Variants in DEFB110 observed in about 807,000 individuals in gnomAD.
The protein encoded by DEFB110 is defensin beta 110.
In DEFB110, 4 loss-of-function variants were observed where a neutral mutation model predicts 2.5. The ratio of observed to expected loss-of-function variants is 1.60; its 90% CI spans 0.79 to 3.66. The LOEUF (loss-of-function observed/expected upper bound fraction) is 3.66. Ranked by LOEUF, DEFB110 falls within the 30% of genes most tolerant of loss-of-function variation. DEFB110 has a pLI of 0.01. For missense variants in DEFB110, 94 were observed against 75.4 expected (o/e 1.25, Z -0.91); for synonymous variants, 29 against 21.8 (o/e 1.33, Z -0.92).
downstream of DEFB110, chr6:50,018,814 C>A (rs1774362218): frequency 7.7e-7 from 1 of 1,302,962 alleles, no homozygotes; most frequent in East Asian, 3.0e-5. Context: ...GGAAAGGCAC[C>A]AGACATGAGC....
downstream of DEFB110, chr6:50,018,808 A>G (rs1400720132): frequency 1.6e-6 from 2 of 1,290,018 alleles, no homozygotes; most frequent in African/African-American, 3.1e-5. Flanking sequence ...TGTAATGGAA[A>G]GGCACCAGAC....
chr6:50,019,783 C>G (rs1043983038), intron 1 of DEFB110, among the ~76,000 whole-genome samples: 1 of 151,496 alleles, frequency 6.6e-6, no homozygotes, highest in East Asian at 1.9e-4. Flanking sequence ...TAATAACTTA[C>G]AAACAATTTC....
At chr6:50,015,057 C>A (rs1774294203), downstream of DEFB110, among the ~76,000 whole-genome samples, 1 of 151,772 alleles carries the variant, frequency 6.6e-6, no homozygotes, top group East Asian at 1.9e-4. Flanking sequence ...ATATCCTTCC[C>A]ATTTTAGTCA....
chr6:50,018,577 C>T (rs1407995117), downstream of DEFB110, among the ~76,000 whole-genome samples: 1 of 151,948 alleles, frequency 6.6e-6, no homozygotes, highest in Admixed American at 6.6e-5. Flanking sequence ...ATCTGTGGAA[C>T]AGTATCTAAT....
chr6:50,011,535 C>T (rs1230453553), intron 1 of DEFB110, among the ~76,000 whole-genome samples: 2 of 152,052 alleles, frequency 1.3e-5, no homozygotes, highest in African/African-American at 4.8e-5. Context: ...TGGACATCAA[C>T]ACAATCCTGC....
In DEFB110 at chr6:50,021,994, T is replaced by A. The variant is rs938735504; in HGVS notation, c.-59A>T. 3 of 1,406,932 alleles carry A rather than the reference T, an allele frequency of 2.1e-6. No individual in the cohort carries two copies. The highest frequency in any genetic ancestry group is 3.0e-5 in the African/African-American group (2 of 67,064). The allele number at this position is 1,406,932 out of a possible 1,614,324, so 87.2% of individuals were successfully genotyped here. ...ACCTCCTTTTTCAAGTCAGTTGTTTTGAAATAAGGAAACAGAGATCCCTTT... is the reference window on the plus strand; with the variant it reads ...ACCTCCTTTTTCAAGTCAGTTGTTTAGAAATAAGGAAACAGAGATCCCTTT... On this transcript the variant is annotated 5_prime_UTR_variant, in exon 1 of 2. Coordinates refer to ENST00000371148, the MANE Select transcript of DEFB110 (RefSeq NM_001037497.2).
intron 1 of DEFB110, among the ~76,000 whole-genome samples, chr6:50,009,639 A>T (rs2113935899): frequency 6.6e-6 from 1 of 152,238 alleles, no homozygotes; most frequent in East Asian, 1.9e-4. Context: ...CCCTTCTATA[A>T]TAGTTATAAT....
intron 1 of DEFB110, among the ~76,000 whole-genome samples, chr6:50,021,432 T>C (rs1358963472): frequency 6.6e-6 from 1 of 152,180 alleles, no homozygotes; most frequent in Non-Finnish European, 1.5e-5. Context: ...TATTTCTGCC[T>C]TCAAATACAT....
At chr6:50,012,967 T>C (rs1395807592) in intron 1 of DEFB110, among the ~76,000 whole-genome samples, 7 of 151,912 alleles carry the variant, frequency 4.6e-5, no homozygotes, top group South Asian at 2.1e-4. Flanking sequence ...TAAAGAGTTG[T>C]AAACTCTTCC....
chr6:50,010,936 T>A (rs1774216812), intron 1 of DEFB110, among the ~76,000 whole-genome samples: 1 of 151,742 alleles, frequency 6.6e-6, no homozygotes, highest in Non-Finnish European at 1.5e-5. Context: ...TAAAATGTAC[T>A]AATTTTGTTC....
At chr6:50,009,288 T>C (rs1458992614) in intron 1 of DEFB110, 20 of 1,582,784 alleles carry the variant, frequency 1.3e-5, no homozygotes, top group Non-Finnish European at 1.6e-5. Context: ...TCAAGAAAAA[T>C]ATCTAAAGTT....
chr6:50,014,833 G>A (rs192769430), downstream of DEFB110, among the ~76,000 whole-genome samples: 234 of 151,788 alleles, frequency 1.5e-3, no homozygotes, highest in African/African-American at 5.4e-3. Context: ...TACCCCTCCT[G>A]CTTATGAATG....
In DEFB110 at chr6:50,019,175, C is replaced by T. The variant is rs1160986058; in HGVS notation, c.56-50G>A. On this transcript the variant is annotated intron_variant, in intron 1 of 1. Coordinates refer to ENST00000371148, the MANE Select transcript of DEFB110 (RefSeq NM_001037497.2). The stretch of plus-strand genomic sequence containing the variant: ...AATTAGCCATCTAGCTATGACACAT[C>T]CATGTTTTAAAAGGAGAAAGTCCAT... The T allele has an allele frequency of 3.2e-6, 5 of 1,563,382 alleles. No homozygotes were observed. In the East Asian group the frequency reaches 9.0e-5, roughly 28 times the overall value.
At chr6:50,021,061 G>A (rs909422765) in intron 1 of DEFB110, among the ~76,000 whole-genome samples, 1 of 151,908 alleles carries the variant, frequency 6.6e-6, no homozygotes, top group African/African-American at 2.4e-5. Context: ...ACCTCTACAT[G>A]TGTTCTCCAG....
At chr6:50,014,997 C>T (rs1350775207), downstream of DEFB110, among the ~76,000 whole-genome samples, 1 of 151,838 alleles carries the variant, frequency 6.6e-6, no homozygotes, top group Non-Finnish European at 1.5e-5. Context: ...ATGACAAACT[C>T]TACATGTCCA....
chr6:50,013,102 G>T lies in DEFB110; in HGVS notation c.56-3831C>A, dbSNP rs113784674. On this transcript the variant is annotated intron_variant, in intron 1 of 1. Transcript: ENST00000393660. ...TTCTAAGCCAGTTATATTCATTTTT[G>T]GATTTATTACTCCAATAACTCTTCC... Among the ~76,000 whole-genome samples, 911 of 151,740 alleles carry T rather than the reference G, an allele frequency of 6.0e-3. 13 individuals carry two copies. Among genetic ancestry groups the T allele is most frequent in the African/African-American group, 0.021 (871 of 41,436 alleles).
chr6:50,018,824 C>A (rs1002811993), downstream of DEFB110: 11 of 1,329,070 alleles, frequency 8.3e-6, no homozygotes, highest in Middle Eastern at 5.5e-4. Flanking sequence ...CAGACATGAG[C>A]GTGACATATG....
chr6:50,016,443 G>C (rs1007547791), downstream of DEFB110, among the ~76,000 whole-genome samples: 15 of 151,716 alleles, frequency 9.9e-5, no homozygotes, highest in Non-Finnish European at 2.1e-4. Context: ...AAGTTTTTTA[G>C]AACGAATTAG....
At chr6:50,021,531 TATG>T (rs914362026) in intron 1 of DEFB110, among the ~76,000 whole-genome samples, 20 of 152,238 alleles carry the variant, frequency 1.3e-4, no homozygotes, top group Non-Finnish European at 2.6e-4. Context: ...CACTTTTTGT[TATG>T]ATATTATTTT....
Sources: gnomAD v4.1 joint callset for allele counts (sites outside exome capture counted in the v4.1 genomes callset) on GRCh38, gnomAD v4.1.1 for gene constraint, MANE v1.5 for transcripts, NCBI Gene and HGNC (gene_info 2026-07-23, HGNC 2026-07-21) for gene names.